Variants in THSD7A observed in about 807,000 individuals in gnomAD.
THSD7A encodes the protein thrombospondin type-1 domain-containing protein 7A.
THSD7A carries 96 observed loss-of-function variants against 231.3 expected under a neutral mutation model. The observed-to-expected ratio is 0.41, with a 90% confidence interval of 0.35 to 0.49. The LOEUF is 0.49. Among genes scored for constraint, THSD7A ranks in the 20% least tolerant of loss-of-function variants. THSD7A has a pLI of 0.05. For missense variants in THSD7A, 2,290 were observed against 2,070.2 expected, an observed-to-expected ratio of 1.11 and a Z score of -2.06; for synonymous variants, 940 against 743.3, an observed-to-expected ratio of 1.26 and a Z score of -4.30.
chr7:11,515,717 T>G (rs1788004186), intron 6 of THSD7A, among the ~76,000 whole-genome samples: 1 of 152,132 alleles, frequency 6.6e-6, no homozygotes, highest in African/African-American at 2.4e-5. Context: ...TTATAGTAAG[T>G]GGCAGAACAA....
intron 1 of THSD7A, among the ~76,000 whole-genome samples, chr7:11,709,387 C>T (rs1208259618): frequency 6.6e-6 from 1 of 150,782 alleles, no homozygotes; most frequent in Non-Finnish European, 1.5e-5. Context: ...GATTTACACA[C>T]CACTGAGTGT....
chr7:11,444,819 T>C lies in THSD7A; in HGVS notation c.3064+1242A>G, dbSNP rs1335625776. 2.7e-5 allele frequency among the ~76,000 whole-genome samples: 4 copies of C among 147,894 alleles called. No individual in the cohort carries two copies. Among genetic ancestry groups the C allele is most frequent in the Admixed American group, 6.8e-5 (1 of 14,688 alleles). ...TGTGTGTGTGTGTGTATAAACTATA[T>C]ATATAATTAAACTATATATATAATT... On this transcript the variant is annotated intron_variant, in intron 13 of 27. Transcript: ENST00000423059. This position sits in a 1 kb window ranked among gnomAD's most constrained non-coding sequence, Gnocchi z 4.2.
chr7:11,446,261 T>C lies in THSD7A; in HGVS notation c.2864A>G (p.Tyr955Cys). Residue 955 changes from tyrosine (Y) to cysteine (C), a missense_variant, in exon 13 of 28, where the codon TAT becomes TGT. Physicochemically the swap from Tyr to Cys is radical, Grantham distance 194. Coordinates refer to ENST00000423059, the MANE Select transcript of THSD7A (RefSeq NM_015204.3). This position sits in a 1 kb window ranked among gnomAD's most constrained non-coding sequence, Gnocchi z 4.0. ...SHLYPLIETQ[Y>C]CPCDKYNAQP... ...TGCATTATATTTGTCACAAGGACAA[T>C]ACTGAGTCTCAATCAGGGGATACAA... The C allele has an allele frequency of 6.2e-7, 1 of 1,613,450 alleles. No homozygotes were observed. Among genetic ancestry groups the C allele is most frequent in the South Asian group, 1.1e-5 (1 of 91,070 alleles).
chr7:11,821,075 G>C (rs1290806276), intron 1 of THSD7A: 1 of 985,918 alleles, frequency 1.0e-6, no homozygotes, highest in Admixed American at 1.9e-5. Flanking sequence ...TGAAAGTACT[G>C]CGGGAAATGT....
rs533662768 is a variant in THSD7A, at chr7:11,634,916, T to C, written c.1022+1214A>G. On this transcript the variant is annotated intron_variant, in intron 2 of 27. Transcript: ENST00000423059. This position sits in a 1 kb window ranked among gnomAD's most constrained non-coding sequence, Gnocchi z 4.1. ...TAAACCAGATTTCAAAATCTATGCA[T>C]AGCAAAATCAGTAGACAAGAATAGA... Among the ~76,000 whole-genome samples the C allele has an allele frequency of 2.0e-5, 3 of 151,628 alleles. No individual in the cohort carries two copies. The South Asian group carries it at 6.3e-4, about 32-fold the overall frequency.
chr7:11,746,299 A>G (rs1782300786), intron 1 of THSD7A, among the ~76,000 whole-genome samples: 1 of 151,908 alleles, frequency 6.6e-6, no homozygotes, highest in Admixed American at 6.6e-5. Flanking sequence ...AGCAAAACTA[A>G]GAAATTGGCA....
intron 1 of THSD7A, among the ~76,000 whole-genome samples, chr7:11,710,646 G>A (rs1425130978): frequency 1.3e-5 from 2 of 150,778 alleles, no homozygotes; most frequent in African/African-American, 4.8e-5. Context: ...CTACTTCTCG[G>A]GAAAGCATGA....
At chr7:11,628,026 G>A (rs1781527343) in intron 2 of THSD7A, among the ~76,000 whole-genome samples, 1 of 151,768 alleles carries the variant, frequency 6.6e-6, no homozygotes, top group South Asian at 2.1e-4. Context: ...ATAGTGATTG[G>A]CAAAATATTA....
At chr7:11,430,267 T>G (rs1185490022) in intron 13 of THSD7A, among the ~76,000 whole-genome samples, 1 of 152,202 alleles carries the variant, frequency 6.6e-6, no homozygotes, top group East Asian at 1.9e-4. Flanking sequence ...TCAGTATGTT[T>G]GCTGCGTTGT....
chr7:11,566,968 G>C (rs866359014), intron 4 of THSD7A, among the ~76,000 whole-genome samples: 89 of 53,726 alleles, frequency 1.7e-3, no homozygotes, highest in South Asian at 7.3e-3. Flanking sequence ...GGGAGAGTGG[G>C]GGGGGGACTG....
intron 1 of THSD7A, among the ~76,000 whole-genome samples, chr7:11,642,157 A>G (rs1402053029): frequency 6.6e-6 from 1 of 152,174 alleles, no homozygotes; most frequent in Non-Finnish European, 1.5e-5. Flanking sequence ...TACCAATTAC[A>G]ATGTGACAGT....
intron 23 of THSD7A, among the ~76,000 whole-genome samples, chr7:11,394,077 G>T (rs1198307248): frequency 6.6e-6 from 1 of 152,076 alleles, no homozygotes; most frequent in African/African-American, 2.4e-5. Context: ...GATTCACAAA[G>T]GTTGAAATGA....
At chr7:11,490,483 C>A (rs1427667631) in intron 6 of THSD7A, among the ~76,000 whole-genome samples, 1 of 152,066 alleles carries the variant, frequency 6.6e-6, no homozygotes, top group Non-Finnish European at 1.5e-5. Context: ...TGTGTGTACT[C>A]TGTAAGCTTT....
chr7:11,470,942 T>A (rs1363534976), intron 8 of THSD7A, among the ~76,000 whole-genome samples: 1 of 151,936 alleles, frequency 6.6e-6, no homozygotes, highest in Non-Finnish European at 1.5e-5. Flanking sequence ...AAATATACTG[T>A]CTTATTCAAA....
At chr7:11,442,468 C>A (rs1020470661) in intron 13 of THSD7A, among the ~76,000 whole-genome samples, 1 of 152,020 alleles carries the variant, frequency 6.6e-6, no homozygotes, top group Admixed American at 6.6e-5. Flanking sequence ...TTGCACTGCA[C>A]ACACGGGGAT....
At chr7:11,489,370 CT>C (rs1490291276) in intron 6 of THSD7A, among the ~76,000 whole-genome samples, 4 of 152,074 alleles carry the variant, frequency 2.6e-5, no homozygotes, top group Non-Finnish European at 4.4e-5. Flanking sequence ...CCCCTGACCT[CT>C]TTTTTCTTAA....
chr7:11,676,580 T>A (rs1461015329), intron 1 of THSD7A, among the ~76,000 whole-genome samples: 1 of 151,948 alleles, frequency 6.6e-6, no homozygotes, highest in Non-Finnish European at 1.5e-5. Context: ...ATAAATGACC[T>A]AAGAGAGATG....
chr7:11,475,635 A>C lies in THSD7A; in HGVS notation c.2018-1067T>G, dbSNP rs1262614759. 2.0e-5 allele frequency among the ~76,000 whole-genome samples: 3 copies of C among 148,794 alleles called. No individual in the cohort carries two copies. In the South Asian group the frequency reaches 6.2e-4, roughly 31 times the overall value. ...TATATAACATATATATAACATATAT[A>C]TGCATACATGTAATGAATCCTGCAT... On this transcript the variant is annotated intron_variant, in intron 7 of 27. Coordinates refer to ENST00000423059, the MANE Select transcript of THSD7A (RefSeq NM_015204.3).
At chr7:11,773,956 G>A (rs1001877821) in intron 1 of THSD7A, among the ~76,000 whole-genome samples, 2 of 152,018 alleles carry the variant, frequency 1.3e-5, no homozygotes, top group African/African-American at 4.8e-5. Context: ...TAAATGGCCA[G>A]AAGTTATAAA....
Sources: allele counts gnomAD v4.1 joint callset (sites outside exome capture counted in the v4.1 genomes callset), GRCh38; gene constraint gnomAD v4.1.1; non-coding constraint Gnocchi (gnomAD v3.1); transcripts MANE v1.5; gene names NCBI Gene and HGNC (gene_info 2026-07-23, HGNC 2026-07-21).